The following SRPK2 variants were observed in gnomAD, a reference collection of about 807,000 sequenced individuals.
SRPK2 encodes the protein SFRS protein kinase 2.
A neutral mutation model predicts 90.8 loss-of-function variants in SRPK2; 21 were observed. That is an observed-to-expected ratio of 0.23 (90% CI 0.16 to 0.33). The LOEUF is 0.33. SRPK2 is among the 10% of genes least tolerant of loss of function. SRPK2 has a pLI of 1.00. For missense variants in SRPK2, 620 were observed against 869.0 expected, an observed-to-expected ratio of 0.71 and a Z score of 3.60; for synonymous variants, 288 against 311.1, an observed-to-expected ratio of 0.93 and a Z score of 0.78.
At chr7:105,200,770 C>A (rs1234019889) in intron 3 of SRPK2, among the ~76,000 whole-genome samples, 1 of 152,148 alleles carries the variant, frequency 6.6e-6, no homozygotes, top group Non-Finnish European at 1.5e-5. Flanking sequence ...TTACAATCTT[C>A]AAAAATGTCA....
intron 3 of SRPK2, among the ~76,000 whole-genome samples, chr7:105,173,922 GTTTTT>G (rs67739776): frequency 2.4e-5 from 3 of 122,832 alleles, no homozygotes; most frequent in African/African-American, 8.8e-5. Context: ...GTGTGTTGGT[GTTTTT>G]TTTTTTTTTT....
At chr7:105,191,887 T>C (rs1794332251) in intron 3 of SRPK2, among the ~76,000 whole-genome samples, 1 of 151,846 alleles carries the variant, frequency 6.6e-6, no homozygotes, top group Non-Finnish European at 1.5e-5. Flanking sequence ...AAAAACTTTT[T>C]TTTTTTTAAA....
intron 3 of SRPK2, among the ~76,000 whole-genome samples, chr7:105,170,794 A>AAGGAAGGAAGGAAGGAC (rs1563024498): frequency 1.2e-4 from 9 of 74,550 alleles, no homozygotes; most frequent in Non-Finnish European, 2.0e-4. Flanking sequence ...GGAGGGAGGG[A>AAGGAAGGAAGGAAGGAC]GGGAGGGAGG....
At chr7:105,380,511 A>T (rs1402060141) in intron 2 of SRPK2, among the ~76,000 whole-genome samples, 2 of 147,042 alleles carry the variant, frequency 1.4e-5, no homozygotes, top group African/African-American at 5.0e-5. Context: ...CCCTAAATTA[A>T]CATGCTAAAA....
intron 2 of SRPK2, among the ~76,000 whole-genome samples, chr7:105,321,456 A>T (rs900168715): frequency 4.6e-5 from 7 of 152,236 alleles, no homozygotes; most frequent in Admixed American, 2.0e-4. Context: ...CACATACAAC[A>T]AAAGAAAAAA....
intron 2 of SRPK2, among the ~76,000 whole-genome samples, chr7:105,386,576 G>A (rs1049189288): frequency 6.6e-6 from 1 of 151,930 alleles, no homozygotes; most frequent in Admixed American, 6.6e-5. Context: ...AAATAGCTAG[G>A]CTTGGTGGCG....
At chr7:105,203,876 TA>T (rs1795872714) in intron 2 of SRPK2, 91 bp from the exon 3 acceptor site, 2 of 1,444,432 alleles carry the variant, frequency 1.4e-6, no homozygotes, top group Non-Finnish European at 1.9e-6. Flanking sequence ...GGGGAAAAAA[TA>T]AAACTTGTCA....
chr7:105,253,194 A>G (rs1585373149), intron 2 of SRPK2, among the ~76,000 whole-genome samples: 2 of 152,176 alleles, frequency 1.3e-5, no homozygotes, highest in East Asian at 3.9e-4. Context: ...TAATACCCCC[A>G]GTGTCAAGGA....
Position 105,167,243 on chromosome 7 carries a change from T to A in SRPK2, c.514+134A>T, listed in dbSNP as rs867262888. 35 of 655,680 alleles carry A rather than the reference T, an allele frequency of 5.3e-5. No individual in the cohort carries two copies. In the African/African-American group the frequency reaches 5.6e-4, roughly 10 times the overall value. 40.6% of individuals were successfully genotyped at this position (655,680 alleles called of 1,614,324 possible). ...ATGAAAACTATTCTAGGTGGACCAC[T>A]TCATAATACTTGACAATGTTCCTAG... On this transcript the variant is annotated intron_variant, in intron 6 of 15. Transcript: ENST00000393651.
intron 2 of SRPK2, among the ~76,000 whole-genome samples, chr7:105,380,983 G>C (rs1186197829): frequency 6.7e-6 from 1 of 150,262 alleles, no homozygotes; most frequent in Non-Finnish European, 1.5e-5. Context: ...GCTGGGCCAG[G>C]GGCAGTAGCT....
Position 105,157,904 on chromosome 7 carries a change from C to A in SRPK2, c.621+2603G>T, listed in dbSNP as rs1039945247. ...GCAACACAGTGAGACCCCGTCTCTA[C>A]AAAAAAATAAAAATTAGCTAGCACG... On this transcript the variant is annotated intron_variant, in intron 7 of 15. Transcript: ENST00000393651. Among the ~76,000 whole-genome samples the A allele has an allele frequency of 4.6e-4, 70 of 151,876 alleles. 3 individuals are homozygous for A. Among genetic ancestry groups the A allele is most frequent in the East Asian group, 1.9e-4 (1 of 5,166 alleles).
chr7:105,280,655 AAG>A (rs1491470519), intron 2 of SRPK2, among the ~76,000 whole-genome samples: 1 of 132,170 alleles, frequency 7.6e-6, no homozygotes, highest in Non-Finnish European at 1.5e-5. Flanking sequence ...CATTAAAAAA[AAG>A]GGGGGGGGGG....
intron 2 of SRPK2, among the ~76,000 whole-genome samples, chr7:105,332,363 T>A (rs1814523929): frequency 6.6e-6 from 1 of 152,164 alleles, no homozygotes; most frequent in Non-Finnish European, 1.5e-5. Flanking sequence ...TGGACTCAGA[T>A]TCCAAATACC....
chr7:105,336,547 C>G (rs1198772467), intron 2 of SRPK2, among the ~76,000 whole-genome samples: 1 of 151,660 alleles, frequency 6.6e-6, no homozygotes, highest in Non-Finnish European at 1.5e-5. Context: ...GGACTGAAAA[C>G]CAAAAAAAAA....
At chr7:105,191,864 A>T (rs1794322089) in intron 3 of SRPK2, among the ~76,000 whole-genome samples, 1 of 54,084 alleles carries the variant, frequency 1.8e-5, no homozygotes, top group Non-Finnish European at 6.6e-5. Flanking sequence ...ATCCTTTTGT[A>T]AAAAAAAACA....
intron 3 of SRPK2, among the ~76,000 whole-genome samples, chr7:105,184,398 A>G (rs1287146908): frequency 6.6e-6 from 1 of 152,192 alleles, no homozygotes; most frequent in Non-Finnish European, 1.5e-5. Context: ...GTTGTTATAA[A>G]ATTTACCCTT....
At chr7:105,341,191 C>T (rs945572492) in intron 2 of SRPK2, among the ~76,000 whole-genome samples, 2 of 151,794 alleles carry the variant, frequency 1.3e-5, no homozygotes, top group Non-Finnish European at 2.9e-5. Flanking sequence ...TGGTGAAACC[C>T]CATCTCTACT....
chr7:105,320,191 A>G (rs961770464), intron 2 of SRPK2, among the ~76,000 whole-genome samples: 1 of 152,178 alleles, frequency 6.6e-6, no homozygotes, highest in Admixed American at 6.5e-5. Flanking sequence ...TGACACATAC[A>G]CACATTCTGT....
At chr7:105,260,148 G>A (rs982018734) in intron 2 of SRPK2, among the ~76,000 whole-genome samples, 1 of 152,108 alleles carries the variant, frequency 6.6e-6, no homozygotes, top group Non-Finnish European at 1.5e-5. Flanking sequence ...CTGACAAAGG[G>A]CTAATATCCA....
Sources: gnomAD v4.1 joint callset for allele counts (sites outside exome capture counted in the v4.1 genomes callset) on GRCh38, gnomAD v4.1.1 for gene constraint, MANE v1.5 for transcripts, NCBI Gene and HGNC (gene_info 2026-07-23, HGNC 2026-07-21) for gene names.